ADARB2: variants seen among roughly 807,000 people sequenced by gnomAD.
ADARB2 encodes the protein adenosine deaminase RNA specific B2 (inactive).
A neutral mutation model predicts 62.2 loss-of-function variants in ADARB2; 25 were observed. The ratio of observed to expected loss-of-function variants is 0.40; its 90% CI spans 0.29 to 0.56. The LOEUF (loss-of-function observed/expected upper bound fraction) is 0.56, where lower values mean the gene tolerates loss of function less well. Ranked by LOEUF, ADARB2 falls within the 20% of genes least tolerant of loss-of-function variation. The pLI is 0.43. For missense variants in ADARB2, 1,071 were observed against 1,077.4 expected (o/e 0.99, Z 0.08); for synonymous variants, 572 against 500.8 (o/e 1.14, Z -1.90).
At chr10:1,367,732 C>A (rs1052323923) in intron 2 of ADARB2, among the ~76,000 whole-genome samples, 51 of 152,148 alleles carry the variant, frequency 3.4e-4, no homozygotes, top group African/African-American at 1.2e-3. Flanking sequence ...TGATTTCTCG[C>A]AAGGTGGGGA....
At chr10:1,480,728 C>T (rs1831460257) in intron 1 of ADARB2, among the ~76,000 whole-genome samples, 1 of 151,870 alleles carries the variant, frequency 6.6e-6, no homozygotes, top group African/African-American at 2.4e-5. Flanking sequence ...CATTTATGGT[C>T]TCATCTAAAA....
intron 1 of ADARB2, among the ~76,000 whole-genome samples, chr10:1,557,896 C>T (rs1180408971): frequency 8.1e-6 from 1 of 123,556 alleles, no homozygotes; most frequent in African/African-American, 3.1e-5. Context: ...CCACTGCACT[C>T]CAGCCTGCAC....
intron 5 of ADARB2, among the ~76,000 whole-genome samples, chr10:1,241,104 C>A (rs551364180): frequency 6.6e-6 from 1 of 152,122 alleles, no homozygotes; most frequent in Non-Finnish European, 1.5e-5. Flanking sequence ...ACTAAAAATA[C>A]AAAAATTAGC....
chr10:1,370,247 C>A (rs1005228533), intron 2 of ADARB2, among the ~76,000 whole-genome samples: 4 of 140,488 alleles, frequency 2.8e-5, no homozygotes, highest in African/African-American at 1.0e-4. Flanking sequence ...TGATAAAATC[C>A]AACATCCCTT....
intron 1 of ADARB2, among the ~76,000 whole-genome samples, chr10:1,670,038 C>T (rs563999544): frequency 2.0e-5 from 3 of 152,316 alleles, no homozygotes; most frequent in South Asian, 2.1e-4. Flanking sequence ...CACACTTGAC[C>T]GTGTCTCCAG....
chr10:1,216,892 G>A, intron 7 of ADARB2, 59 bp downstream of exon 7: 1 of 1,577,102 alleles, frequency 6.3e-7, no homozygotes, highest in African/African-American at 1.3e-5. Context: ...GGGAGCCTGG[G>A]GCTTGGCACT....
Position 1,180,380 on chromosome 10 carries a change from C to A in ADARB2, c.*2813G>T, listed in dbSNP as rs921892710. ...GGCTGTGGGAATCCTGGGACTCGGCCCCCCCAAGCATAGCTGGGGCTGTGG... is the reference window on the plus strand; with the variant it reads ...GGCTGTGGGAATCCTGGGACTCGGCACCCCCAAGCATAGCTGGGGCTGTGG... On this transcript the variant is annotated 3_prime_UTR_variant, in exon 10 of 10. Coordinates refer to ENST00000381312, the MANE Select transcript of ADARB2 (RefSeq NM_018702.4). 6.6e-6 allele frequency: 1 copy of A among 151,344 alleles called. No homozygotes were observed. The highest frequency in any genetic ancestry group is 1.5e-5 in the Non-Finnish European group (1 of 67,754). The allele number at this position is 151,344 out of a possible 1,614,324, so 9.4% of individuals were successfully genotyped here.
intron 3 of ADARB2, among the ~76,000 whole-genome samples, chr10:1,322,997 G>T (rs1199009874): frequency 6.6e-6 from 1 of 152,142 alleles, no homozygotes; most frequent in African/African-American, 2.4e-5. Context: ...TACTACAATG[G>T]TGTTATTAGA....
At chr10:1,551,026 A>G (rs2131978081) in intron 1 of ADARB2, among the ~76,000 whole-genome samples, 1 of 152,318 alleles carries the variant, frequency 6.6e-6, no homozygotes, top group South Asian at 2.1e-4. Flanking sequence ...CCAGGACCTC[A>G]GAAGGTGACA....
At chr10:1,433,290 T>C (rs900261414) in intron 1 of ADARB2, among the ~76,000 whole-genome samples, 6 of 152,182 alleles carry the variant, frequency 3.9e-5, no homozygotes, top group African/African-American at 7.2e-5. Flanking sequence ...ACATCTTGCA[T>C]GCATGGAAGT....
At chr10:1,554,996 A>T (rs909685384) in intron 1 of ADARB2, among the ~76,000 whole-genome samples, 1 of 152,120 alleles carries the variant, frequency 6.6e-6, no homozygotes, top group Non-Finnish European at 1.5e-5. Flanking sequence ...CTGTTTCTGC[A>T]TTAATTTTCT....
intron 1 of ADARB2, among the ~76,000 whole-genome samples, chr10:1,660,983 A>G (rs904100446): frequency 6.6e-6 from 1 of 152,122 alleles, no homozygotes; most frequent in Non-Finnish European, 1.5e-5. Flanking sequence ...GACCAGAAAC[A>G]TGCCAACCCT....
intron 3 of ADARB2, among the ~76,000 whole-genome samples, chr10:1,358,166 C>T (rs1363735667): frequency 3.3e-5 from 5 of 152,194 alleles, no homozygotes; most frequent in Non-Finnish European, 2.9e-5. Context: ...TTGAAGCAAT[C>T]CCAATAATTG....
At chr10:1,223,839 G>T (rs192851316) in intron 6 of ADARB2, among the ~76,000 whole-genome samples, 1 of 152,288 alleles carries the variant, frequency 6.6e-6, no homozygotes, top group African/African-American at 2.4e-5. Context: ...ATTTTATTGA[G>T]AATTTTTGCA....
At chr10:1,494,199 T>C (rs1208159618) in intron 1 of ADARB2, among the ~76,000 whole-genome samples, 1 of 152,200 alleles carries the variant, frequency 6.6e-6, no homozygotes, top group East Asian at 1.9e-4. Context: ...ATGTTAAGTA[T>C]ATTTTCCTCC....
At chr10:1,220,570 A>G (rs1249427244) in intron 6 of ADARB2, among the ~76,000 whole-genome samples, 1 of 152,208 alleles carries the variant, frequency 6.6e-6, no homozygotes, top group Non-Finnish European at 1.5e-5. Context: ...GAGCCATCAC[A>G]CCTAACAGTT....
intron 1 of ADARB2, among the ~76,000 whole-genome samples, chr10:1,628,635 G>A (rs934505916): frequency 1.3e-5 from 2 of 152,172 alleles, no homozygotes; most frequent in East Asian, 1.9e-4. Context: ...AACCTCCATG[G>A]GTGTGGAAGT....
chr10:1,344,555 C>A (rs1271411022), intron 3 of ADARB2, among the ~76,000 whole-genome samples: 1 of 152,202 alleles, frequency 6.6e-6, no homozygotes, highest in African/African-American at 2.4e-5. Flanking sequence ...GGCAGGTGAC[C>A]TGACCCGCCA....
rs115801230 is a variant in ADARB2 at position 1,449,252 on chromosome 10, G to T, written c.101-70092C>A. ...TGCCCAAGACTCTGCCTCGGTCAGG[G>T]CTGCCCTTTGGCCAGTATCCCTTAG... On this transcript the variant is annotated intron_variant, in intron 1 of 9. Transcript: ENST00000381312. 2.7e-3 allele frequency among the ~76,000 whole-genome samples: 413 copies of T among 152,286 alleles called. 1 individual carries two copies. Among genetic ancestry groups the T allele is most frequent in the African/African-American group, 9.5e-3 (395 of 41,570 alleles).
Sources: gnomAD v4.1 joint callset for allele counts (sites outside exome capture counted in the v4.1 genomes callset) on GRCh38, gnomAD v4.1.1 for gene constraint, MANE v1.5 for transcripts, NCBI Gene and HGNC (gene_info 2026-07-23, HGNC 2026-07-21) for gene names.